The following PIGN variants were observed in gnomAD, a reference collection of about 807,000 sequenced individuals.
The protein encoded by PIGN is phosphatidylinositol glycan anchor biosynthesis class N.
PIGN carries 117 observed loss-of-function variants against 125.4 expected under a neutral mutation model. The ratio of observed to expected loss-of-function variants is 0.93; its 90% CI spans 0.80 to 1.09. The LOEUF (loss-of-function observed/expected upper bound fraction) is 1.09, where lower values mean the gene tolerates loss of function less well. Ranked by LOEUF, PIGN falls within the 50% of genes least tolerant of loss-of-function variation. The pLI, the probability that PIGN is intolerant of heterozygous loss-of-function variation, is 0.00. For missense variants in PIGN, 1,075 were observed against 1,094.9 expected, an observed-to-expected ratio of 0.98 and a Z score of 0.26; for synonymous variants, 392 against 377.8, an observed-to-expected ratio of 1.04 and a Z score of -0.44.
At chr18:62,160,950 T>C (rs1345304417) in intron 4 of PIGN, among the ~76,000 whole-genome samples, 183 bp downstream of exon 4, 1 of 152,124 alleles carries the variant, frequency 6.6e-6, no homozygotes, top group Non-Finnish European at 1.5e-5. Context: ...AAATAACACC[T>C]AGGAGGAAAT....
At chr18:62,162,975 T>C (rs1399728342) in intron 2 of PIGN, among the ~76,000 whole-genome samples, 1 of 152,198 alleles carries the variant, frequency 6.6e-6, no homozygotes, top group African/African-American at 2.4e-5. Context: ...GATTCAAATA[T>C]TGTGAAAAAT....
chr18:62,078,119 T>A (rs1030749249), intron 28 of PIGN, among the ~76,000 whole-genome samples: 2 of 152,142 alleles, frequency 1.3e-5, no homozygotes, highest in African/African-American at 4.8e-5. Context: ...AACATAAGAA[T>A]TTTAGGGGAC....
intron 14 of PIGN, among the ~76,000 whole-genome samples, chr18:62,117,890 C>T (rs1024537063): frequency 1.3e-5 from 2 of 151,958 alleles, no homozygotes; most frequent in Non-Finnish European, 2.9e-5. Context: ...CTGCAAATGA[C>T]AGGATTTCAT....
intron 30 of PIGN, among the ~76,000 whole-genome samples, chr18:62,046,551 C>T (rs188212556): frequency 5.1e-5 from 7 of 137,518 alleles, no homozygotes; most frequent in Admixed American, 1.6e-4. Flanking sequence ...AGTTTCATCC[C>T]GAAACCATCC....
intron 23 of PIGN, among the ~76,000 whole-genome samples, chr18:62,020,320 C>G (rs931311081): frequency 1.3e-5 from 2 of 152,172 alleles, no homozygotes; most frequent in Non-Finnish European, 2.9e-5. Context: ...ATCCAACACT[C>G]TAGTACAGAA....
intron 30 of PIGN, among the ~76,000 whole-genome samples, chr18:62,071,892 A>ATATATATATG: frequency 1.5e-5 from 2 of 130,476 alleles, no homozygotes; most frequent in African/African-American, 5.7e-5. Flanking sequence ...ATATATATAT[A>ATATATATATG]TATATATATA....
intron 14 of PIGN, among the ~76,000 whole-genome samples, chr18:62,133,994 G>A (rs1037864487): frequency 3.9e-5 from 6 of 152,034 alleles, no homozygotes; most frequent in Admixed American, 3.9e-4. Context: ...CTTGATGACT[G>A]GGGGTACTTT....
chr18:62,060,970 T>C (rs2032086974), intron 30 of PIGN, among the ~76,000 whole-genome samples: 1 of 152,216 alleles, frequency 6.6e-6, no homozygotes, highest in Non-Finnish European at 1.5e-5. Context: ...CTCTGTCAGC[T>C]GAACAGTTTT....
chr18:62,105,313 T>A (rs1335440395), intron 20 of PIGN: 3 of 303,360 alleles, frequency 9.9e-6, no homozygotes, highest in East Asian at 5.6e-5. Flanking sequence ...GGATTTTAAG[T>A]TATCAGTGGC....
chr18:62,178,683 A>G (rs12456615), intron 1 of PIGN, among the ~76,000 whole-genome samples: 61,837 of 151,240 alleles, frequency 0.41, 13,238 homozygotes, highest in East Asian at 0.78. Context: ...ATAAACTATT[A>G]AGCCATATAA....
intron 16 of PIGN, chr18:62,112,554 T>C (rs2034922243): frequency 6.6e-6 from 1 of 152,164 alleles, no homozygotes; most frequent in African/African-American, 2.4e-5. Context: ...AAGAGATTTT[T>C]TTAATTTTTA....
intron 14 of PIGN, among the ~76,000 whole-genome samples, chr18:62,134,914 T>C (rs953579595): frequency 3.9e-5 from 6 of 152,200 alleles, no homozygotes; most frequent in African/African-American, 7.2e-5. Flanking sequence ...GGCGGGCGGA[T>C]GAAGAAATGT....
intron 1 of PIGN, among the ~76,000 whole-genome samples, chr18:62,179,213 C>T (rs1417372899): frequency 6.6e-6 from 1 of 152,156 alleles, no homozygotes; most frequent in African/African-American, 2.4e-5. Context: ...TAAAACTTGA[C>T]CACTTGGCTG....
intron 23 of PIGN, among the ~76,000 whole-genome samples, chr18:62,020,866 C>T (rs956982097): frequency 4.0e-5 from 6 of 150,340 alleles, no homozygotes; most frequent in Admixed American, 2.7e-4. Context: ...GAGACTGAGG[C>T]AGGAGAATGG....
At chr18:62,152,534 C>T (rs2036574885) in intron 7 of PIGN, among the ~76,000 whole-genome samples, 1 of 152,008 alleles carries the variant, frequency 6.6e-6, no homozygotes, top group African/African-American at 2.4e-5. Context: ...TTTTGGTTTA[C>T]ACTACCTTCA....
chr18:62,153,063 CT>C (rs67221560), intron 7 of PIGN, among the ~76,000 whole-genome samples: 12,616 of 152,000 alleles, frequency 0.083, 1,710 homozygotes, highest in African/African-American at 0.29. Context: ...TCCCTTCTTT[CT>C]CACTTCCTCA....
chr18:62,096,305 A>G (rs2034186119), intron 22 of PIGN, among the ~76,000 whole-genome samples: 1 of 151,828 alleles, frequency 6.6e-6, no homozygotes, highest in Non-Finnish European at 1.5e-5. Context: ...TAAAAAAAAA[A>G]GTTACTGTAG....
chr18:62,106,277 T>A (rs9319996), intron 19 of PIGN, among the ~76,000 whole-genome samples: 88,419 of 151,876 alleles, frequency 0.58, 26,499 homozygotes, highest in East Asian at 0.78. Context: ...GAAATATAAG[T>A]GCATTCTTTG....
intron 12 of PIGN, among the ~76,000 whole-genome samples, chr18:62,139,442 A>T (rs75544237): frequency 0.087 from 13,244 of 152,308 alleles, 710 homozygotes; most frequent in South Asian, 0.19. Context: ...TGTACTGTAC[A>T]TAATAAGAGT....
Sources: gnomAD v4.1 joint callset for allele counts (sites outside exome capture counted in the v4.1 genomes callset) on GRCh38, gnomAD v4.1.1 for gene constraint, MANE v1.5 for transcripts, NCBI Gene and HGNC (gene_info 2026-07-23, HGNC 2026-07-21) for gene names.